Variants in OSER1 observed in about 807,000 individuals in gnomAD.
OSER1 encodes oxidative stress responsive serine rich 1.
OSER1 carries 15 observed loss-of-function variants against 26.3 expected under a neutral mutation model. The observed-to-expected ratio is 0.57, with a 90% CI of 0.38 to 0.88. The LOEUF is 0.88. Among genes scored for constraint, OSER1 ranks in the 40% least tolerant of loss-of-function variants. The probability of loss-of-function intolerance (pLI) is 0.00; values close to 1 mark genes in which losing one functional copy is unlikely to be tolerated. For missense variants in OSER1, 313 were observed against 353.9 expected (o/e 0.88, Z 0.93); for synonymous variants, 127 against 128.2 (o/e 0.99, Z 0.07).
Position 44,209,885 on chromosome 20 carries a change from G to A in OSER1, c.-42+811C>T, listed in dbSNP as rs1416558390. ...TAAGCGTTGTCATCACAACATTAAA[G>A]ATTTCGAAACTCCCAGACCACCAGA... is the stretch of plus-strand genomic sequence containing the variant. On this transcript the variant is annotated intron_variant, in intron 1 of 3. Coordinates refer to ENST00000255174, the MANE Select transcript of OSER1 (RefSeq NM_016470.8). The A allele has an allele frequency of 2.0e-5, 3 of 152,150 alleles. No individual in the cohort carries two copies. In the East Asian group the frequency reaches 5.8e-4, roughly 29 times the overall value. The allele number at this position is 152,150 out of a possible 1,614,324, so 9.4% of individuals were successfully genotyped here.
chr20:44,197,745 G>T lies in OSER1; in HGVS notation c.192-6C>A. The T allele has an allele frequency of 6.3e-7, 1 of 1,585,194 alleles. No individual in the cohort carries two copies. The highest frequency in any genetic ancestry group is 8.6e-7 in the Non-Finnish European group (1 of 1,159,132). On this transcript the variant is annotated splice_polypyrimidine_tract_variant and splice_region_variant and intron_variant, in intron 3 of 3. Coordinates refer to ENST00000255174, the MANE Select transcript of OSER1 (RefSeq NM_016470.8). ...GTGAAGACTTCCTTGTAGACCTAAA[G>T]AGGAAAAAAAATATACAAGAAGATG... is the stretch of plus-strand genomic sequence containing the variant.
Position 44,196,982 on chromosome 20 carries a change from G to T in OSER1, c.*70C>A. 1 of 1,108,202 alleles carries T rather than the reference G, an allele frequency of 9.0e-7. No homozygotes were observed. Among genetic ancestry groups the T allele is most frequent in the Non-Finnish European group, 1.3e-6 (1 of 745,018 alleles). 68.6% of individuals were successfully genotyped at this position (1,108,202 alleles called of 1,614,324 possible). On this transcript the variant is annotated 3_prime_UTR_variant, in exon 4 of 4. Coordinates refer to ENST00000255174, the MANE Select transcript of OSER1 (RefSeq NM_016470.8). ...GTCTTCTCACACAAAGTGGCCACAA[G>T]GTCTGCCATTAACTAAATCTCTTTG...
intron 2 of OSER1, among the ~76,000 whole-genome samples, chr20:44,205,270 T>C (rs953915607): frequency 5.9e-5 from 9 of 152,206 alleles, no homozygotes; most frequent in African/African-American, 2.2e-4. Context: ...TTTCCTGATA[T>C]AAAAAAATTA....
At chr20:44,204,201 T>C (rs1486163330) in intron 2 of OSER1, among the ~76,000 whole-genome samples, 2 of 152,232 alleles carry the variant, frequency 1.3e-5, no homozygotes, top group Non-Finnish European at 2.9e-5. Context: ...AATAAATATA[T>C]AGAGATTTGT....
At chr20:44,205,192 G>C (rs1046510347) in intron 2 of OSER1, among the ~76,000 whole-genome samples, 14 of 152,168 alleles carry the variant, frequency 9.2e-5, no homozygotes, top group Admixed American at 9.2e-4. Flanking sequence ...CGTGTATCAA[G>C]AGTTACTTAT....
rs1569242554 is a variant in OSER1, at chr20:44,206,931, C to T, written c.27G>A (p.Glu9=). 6.2e-7 allele frequency: 1 copy of T among 1,603,502 alleles called. No homozygotes were observed. The highest frequency in any genetic ancestry group is 8.5e-7 in the Non-Finnish European group (1 of 1,170,702). MKSEAKDG[E]EESLQTAFKK... is the part of the protein sequence containing the mutation. ...TGAAAGCAGTCTGTAGACTCTCCTC[C>T]TCTCCATCCTTGGCTTCGGATTTCA... Residue 9 remains glutamate, a synonymous_variant, in exon 2 of 4, where the codon GAG becomes GAA. Transcript: ENST00000255174.
At chr20:44,208,471 CA>C (rs1373063960) in intron 1 of OSER1, among the ~76,000 whole-genome samples, 1 of 146,464 alleles carries the variant, frequency 6.8e-6, no homozygotes, top group Non-Finnish European at 1.5e-5. Context: ...CTTCTTAGGA[CA>C]AAAAAATAAT....
chr20:44,209,192 GAC>G (rs1421639827), intron 1 of OSER1, among the ~76,000 whole-genome samples: 2 of 152,154 alleles, frequency 1.3e-5, no homozygotes, highest in Non-Finnish European at 2.9e-5. Flanking sequence ...CATTCCTGTT[GAC>G]ACACTAAAAG....
At chr20:44,205,037 G>A (rs975379246) in intron 2 of OSER1, among the ~76,000 whole-genome samples, 1 of 152,032 alleles carries the variant, frequency 6.6e-6, no homozygotes, top group Non-Finnish European at 1.5e-5. Context: ...GTTTCACCAT[G>A]TTGCCGAGGC....
intron 3 of OSER1, among the ~76,000 whole-genome samples, chr20:44,198,274 G>A (rs2072942875): frequency 6.6e-6 from 1 of 152,140 alleles, no homozygotes; most frequent in Non-Finnish European, 1.5e-5. Context: ...AACCCCTGAG[G>A]TTTTCAGATA....
intron 3 of OSER1, among the ~76,000 whole-genome samples, chr20:44,199,913 G>C (rs1202286600): frequency 6.6e-6 from 1 of 152,212 alleles, no homozygotes. Flanking sequence ...AAGAATGACT[G>C]ACGGGAAAAT....
At chr20:44,201,156 A>G (rs945904076) in intron 3 of OSER1, among the ~76,000 whole-genome samples, 5 of 152,214 alleles carry the variant, frequency 3.3e-5, no homozygotes, top group African/African-American at 1.2e-4. Flanking sequence ...CACTATGCTG[A>G]GTCTGTGTGA....
At chr20:44,204,462 C>CA (rs1423534343) in intron 2 of OSER1, among the ~76,000 whole-genome samples, 2 of 152,022 alleles carry the variant, frequency 1.3e-5, no homozygotes, top group Non-Finnish European at 2.9e-5. Flanking sequence ...TTACTCAAGG[C>CA]AGAATATATG....
chr20:44,198,134 C>T (rs1362793439), intron 3 of OSER1, among the ~76,000 whole-genome samples: 1 of 152,142 alleles, frequency 6.6e-6, no homozygotes, highest in Admixed American at 6.5e-5. Context: ...CTGAATATAG[C>T]AGCTTCAGAA....
At chr20:44,202,561 TA>T (rs1237157346) in intron 3 of OSER1, among the ~76,000 whole-genome samples, 3 of 151,868 alleles carry the variant, frequency 2.0e-5, no homozygotes. Context: ...TCAAGATACA[TA>T]AAGCAAAAAC....
Position 44,206,944 on chromosome 20 carries a change from G to A in OSER1, c.14C>T (p.Ala5Val). ...TAGACTCTCCTCCTCTCCATCCTTG[G>A]CTTCGGATTTCATTGTGCAAGTTTT... MKSE[A>V]KDGEEESLQT... The change falls in exon 2 of 4, where the codon GCC (alanine) becomes GTC (valine). Residue 5 changes from alanine to valine, a missense_variant. By Grantham distance (64) the Ala-to-Val change is moderately conservative. Around this residue, in one of 2 missense-constraint regions of OSER1, gnomAD observed 300 missense variants for 318.3 expected, o/e 0.94. Transcript: ENST00000255174. The A allele has an allele frequency of 6.2e-7, 1 of 1,607,322 alleles. No homozygotes were observed. The highest frequency in any genetic ancestry group is 1.1e-5 in the South Asian group (1 of 90,770).
chr20:44,210,893 C>G (rs1363336597), upstream of OSER1: 1 of 152,120 alleles, frequency 6.6e-6, no homozygotes, highest in Non-Finnish European at 1.5e-5. Flanking sequence ...CTCGGCAGCG[C>G]GGCAGCCGAC....
At chr20:44,203,763 A>G (rs1417013582) in intron 2 of OSER1, among the ~76,000 whole-genome samples, 1 of 151,720 alleles carries the variant, frequency 6.6e-6, no homozygotes, top group Non-Finnish European at 1.5e-5. Flanking sequence ...GGTGTTGACA[A>G]AAATTCTTTA....
chr20:44,202,268 C>G lies in OSER1; in HGVS notation c.191+693G>C, dbSNP rs142785139. Among the ~76,000 whole-genome samples, 74 of 152,122 alleles carry G rather than the reference C, an allele frequency of 4.9e-4. 2 individuals are homozygous for G. In the East Asian group the frequency reaches 0.014, roughly 29 times the overall value. ...GCGGGCACCTGCGTAACCCCAGGTA[C>G]CTGGGAGGCCAAGGCAGAACTGCTT... On this transcript the variant is annotated intron_variant, in intron 3 of 3. Transcript: ENST00000255174.
Sources: gnomAD v4.1 joint callset for allele counts (sites outside exome capture counted in the v4.1 genomes callset) on GRCh38, gnomAD v4.1.1 for gene constraint, gnomAD v4.1.1 regional missense constraint, MANE v1.5 for transcripts, NCBI Gene and HGNC (gene_info 2026-07-23, HGNC 2026-07-21) for gene names.